TNFRSF14: variants seen among roughly 807,000 people sequenced by gnomAD.
The protein encoded by TNFRSF14 is tumor necrosis factor receptor superfamily member 14.
TNFRSF14 carries 18 observed loss-of-function variants against 34.1 expected under a neutral mutation model. The ratio of observed to expected loss-of-function variants is 0.53; its 90% confidence interval spans 0.36 to 0.78. TNFRSF14 has a LOEUF of 0.78. Ranked by LOEUF, TNFRSF14 falls within the 30% of genes least tolerant of loss-of-function variation. The pLI is 0.00. For missense variants in TNFRSF14, 352 were observed against 379.5 expected (o/e 0.93, Z 0.60); for synonymous variants, 157 against 153.2 (o/e 1.02, Z -0.18).
Position 2,561,510 on chromosome 1 carries a change from C to T in TNFRSF14, c.552-163C>T. The T allele has an allele frequency of 6.5e-7, 1 of 1,538,146 alleles. No individual in the cohort carries two copies. Among genetic ancestry groups the T allele is most frequent in the Non-Finnish European group, 8.8e-7 (1 of 1,139,452 alleles). ...TCCCCATAGCCGAGCTTGGAAAAGTCAGACAGACCTCTGAGGTCTCATCCT... is the reference window on the plus strand; with the variant it reads ...TCCCCATAGCCGAGCTTGGAAAAGTTAGACAGACCTCTGAGGTCTCATCCT... On this transcript the variant is annotated intron_variant, in intron 5 of 7. Coordinates refer to ENST00000355716, the MANE Select transcript of TNFRSF14 (RefSeq NM_003820.4). This position sits in a 1 kb window ranked among gnomAD's most constrained non-coding sequence, Gnocchi z 6.0.
intron 1 of TNFRSF14, 199 bp downstream of exon 1, chr1:2,556,932 C>T: frequency 1.8e-6 from 1 of 556,178 alleles, no homozygotes; most frequent in Non-Finnish European, 3.2e-6. Context: ...AGCAGAGCCA[C>T]AGCCCTACCC....
chr1:2,554,490 G>A (rs988547970), upstream of TNFRSF14, among the ~76,000 whole-genome samples: 3 of 152,168 alleles, frequency 2.0e-5, no homozygotes, highest in Admixed American at 6.5e-5. This position sits in a 1 kb window ranked among gnomAD's most constrained non-coding sequence, Gnocchi z 4.2. Context: ...ACGGGGAGCA[G>A]GGAGCGGGGA....
intron 4 of TNFRSF14, 51 bp downstream of exon 4, chr1:2,560,029 G>T: frequency 6.8e-7 from 1 of 1,476,398 alleles, no homozygotes. Flanking sequence ...GGTCCCCAGT[G>T]CCCCGCTGTC....
chr1:2,558,784 C>T (rs541171832), intron 3 of TNFRSF14: 233 of 1,312,036 alleles, frequency 1.8e-4, no homozygotes, highest in Non-Finnish European at 2.2e-4. Context: ...TGCCCACGTC[C>T]CTAGCTGCAA....
rs1285046057 is a variant in TNFRSF14, at chr1:2,560,604, G to C, written c.461-20G>C. ...TGGCCTGGTGCCCTCAGCCCCCTCT[G>C]TCCGTCCCTCTCTTCTCAGGCACCG... On this transcript the variant is annotated intron_variant, in intron 4 of 7. Transcript: ENST00000355716. 3 of 1,607,444 alleles carry C rather than the reference G, an allele frequency of 1.9e-6. No individual in the cohort carries two copies. The highest frequency in any genetic ancestry group is 2.6e-6 in the Non-Finnish European group (3 of 1,175,994).
chr1:2,556,459 G>C lies in TNFRSF14; in HGVS notation c.-206G>C. 1.4e-6 allele frequency: 1 copy of C among 705,144 alleles called. No homozygotes were observed. Among genetic ancestry groups the C allele is most frequent in the Non-Finnish European group, 2.6e-6 (1 of 388,576 alleles). 43.7% of individuals were successfully genotyped at this position (705,144 alleles called of 1,614,324 possible). On this transcript the variant is annotated 5_prime_UTR_variant, in exon 1 of 8. Coordinates refer to ENST00000355716, the MANE Select transcript of TNFRSF14 (RefSeq NM_003820.4). ...CCCCCAGCGCCGCTCCACCCAGCAG[G>C]CCTGAGCCCCTCTCTGCTGCCAGAC...
In TNFRSF14 at chr1:2,561,461, T is replaced by C. The variant is rs1195866559; in HGVS notation, c.552-212T>C. On this transcript the variant is annotated intron_variant, in intron 5 of 7. Coordinates refer to ENST00000355716, the MANE Select transcript of TNFRSF14 (RefSeq NM_003820.4). The surrounding 1 kb of genome is among the most constrained non-coding windows in gnomAD (Gnocchi z 6.0). ...TTTGCCCAGTCTCTCCTTGTTTCTC[T>C]TCTCCTCCTTCCTTCTCTCCACCTC... 3 of 1,489,128 alleles carry C rather than the reference T, an allele frequency of 2.0e-6. No homozygotes were observed. Among genetic ancestry groups the C allele is most frequent in the Non-Finnish European group, 2.7e-6 (3 of 1,114,844 alleles). The allele number at this position is 1,489,128 out of a possible 1,614,324, so 92.2% of individuals were successfully genotyped here.
At position 2,560,694 on chromosome 1, in the gene TNFRSF14, G is replaced by A. The variant is rs758847687; in HGVS notation, c.531G>A (p.Glu177=). The change falls in exon 5 of 8, where the codon GAG becomes GAA. Residue 177 remains glutamate (E), a synonymous_variant. Transcript: ENST00000355716. Reference sequence around the variant, plus strand: ...CCTTCTCTCCCAATGGGACCCTGGAGGAATGTCAGCACCAGACCAAGTAAG... The same window carrying A: ...CCTTCTCTCCCAATGGGACCCTGGAAGAATGTCAGCACCAGACCAAGTAAG... The part of the protein sequence containing the change: ...PGTFSPNGTL[E]ECQHQTKCSW... 2 of 1,613,430 alleles carry A rather than the reference G, an allele frequency of 1.2e-6. No individual in the cohort carries two copies. The highest frequency in any genetic ancestry group is 1.1e-5 in the South Asian group (1 of 91,080).
At chr1:2,558,656 C>G in intron 3 of TNFRSF14, 188 bp downstream of exon 3, 1 of 1,217,770 alleles carries the variant, frequency 8.2e-7, no homozygotes, top group Non-Finnish European at 1.1e-6. Context: ...CCCCGTCCAC[C>G]TCTGTCTCAC....
At position 2,559,080 on chromosome 1, in the gene TNFRSF14, G is replaced by A. The variant is rs779692121; in HGVS notation, c.304+612G>A. 11 of 1,369,360 alleles carry A rather than the reference G, an allele frequency of 8.0e-6. No homozygotes were observed. The South Asian group carries it at 1.1e-4, about 14-fold the overall frequency. 84.8% of individuals were successfully genotyped at this position (1,369,360 alleles called of 1,614,324 possible). On this transcript the variant is annotated intron_variant, in intron 3 of 7. Transcript: ENST00000355716. ...GCATGGCCAGTGCTCCCTGCGGCCA[G>A]GCAGGACTGCACCTGCGGGACAGGG...
chr1:2,556,328 G>T, upstream of TNFRSF14: 1 of 604,770 alleles, frequency 1.7e-6, no homozygotes, highest in Non-Finnish European at 3.1e-6. Flanking sequence ...GGACTGGAAT[G>T]GTGCAGGGGG....
chr1:2,559,325 G>C (rs1445765766), intron 3 of TNFRSF14: 5 of 1,369,690 alleles, frequency 3.7e-6, no homozygotes, highest in Admixed American at 2.2e-5. Context: ...CAGGTGGCAG[G>C]TGAGGCTGCC....
At chr1:2,562,033 G>A (rs149326447) in intron 6 of TNFRSF14, 6 of 602,866 alleles carry the variant, frequency 1.0e-5, no homozygotes, top group East Asian at 5.6e-5. Flanking sequence ...ACCCCTGACC[G>A]TGGAGCCCTC....
rs1644340539 is a variant in TNFRSF14, at chr1:2,563,381, C to T, written c.*108C>T. ...AGCCCGGAGGCTTGGGGGCTCCGCC[C>T]TGGGCTGGCTTCCGTCTCCTCCAGT... On this transcript the variant is annotated 3_prime_UTR_variant, in exon 8 of 8. Transcript: ENST00000355716. The T allele has an allele frequency of 2.0e-6, 3 of 1,527,622 alleles. No individual in the cohort carries two copies. Among genetic ancestry groups the T allele is most frequent in the Non-Finnish European group, 2.6e-6 (3 of 1,135,316 alleles). 94.6% of individuals were successfully genotyped at this position (1,527,622 alleles called of 1,614,324 possible). A position where few individuals can be genotyped will look rare whatever the true frequency, so the allele number is the denominator to read the frequency against.
chr1:2,557,705 T>G lies in TNFRSF14; in HGVS notation c.70-21T>G, dbSNP rs1357057283. 3 of 1,569,760 alleles carry G rather than the reference T, an allele frequency of 1.9e-6. No homozygotes were observed. In the Admixed American group the frequency reaches 5.4e-5, roughly 28 times the overall value. The stretch of plus-strand genomic sequence containing the variant: ...ACAGGGCAGCCAGGGCATCTCCCAA[T>G]GCCTGTCCTGACCCCCTTAGGTGCT... On this transcript the variant is annotated intron_variant, in intron 1 of 7. Coordinates refer to ENST00000355716, the MANE Select transcript of TNFRSF14 (RefSeq NM_003820.4).
In TNFRSF14 at chr1:2,563,252, G is replaced by A. The variant is rs971879075; in HGVS notation, c.831G>A (p.Thr277=). Residue 277 remains threonine, a synonymous_variant, in exon 8 of 8, where the codon ACG becomes ACA. Transcript: ENST00000355716. ...VAVEETIPSF[T]GRSPNH ...TGGAGGAGACAATACCCTCATTCAC[G>A]GGGAGGAGCCCAAACCACTGACCCA... The A allele has an allele frequency of 4.3e-6, 7 of 1,613,476 alleles. No homozygotes were observed. The highest frequency in any genetic ancestry group is 1.1e-5 in the South Asian group (1 of 91,092).
chr1:2,558,568 C>T, intron 3 of TNFRSF14, 100 bp downstream of exon 3: 1 of 1,573,198 alleles, frequency 6.4e-7, no homozygotes, highest in Non-Finnish European at 8.6e-7. Context: ...CAGGAAGGCC[C>T]CGGCTGCCCC....
rs768112737 is a variant in TNFRSF14 at position 2,561,631 on chromosome 1, G to A, written c.552-42G>A. On this transcript the variant is annotated intron_variant, in intron 5 of 7. Coordinates refer to ENST00000355716, the MANE Select transcript of TNFRSF14 (RefSeq NM_003820.4). The surrounding 1 kb of genome is among the most constrained non-coding windows in gnomAD (Gnocchi z 6.0). ...CCCTGAGGCTGAGTGAACACTGGGC[G>A]CTGCACCTGCCTCTCCCACGTCCTC... 2.9e-5 allele frequency: 46 copies of A among 1,610,084 alleles called. No individual in the cohort carries two copies. Among genetic ancestry groups the A allele is most frequent in the Non-Finnish European group, 3.6e-5 (43 of 1,178,558 alleles).
chr1:2,560,735 C>A (rs776691214), intron 5 of TNFRSF14, 21 bp downstream of exon 5: 6 of 1,608,104 alleles, frequency 3.7e-6, no homozygotes, highest in Non-Finnish European at 5.1e-6. Flanking sequence ...CCGGGGGAGG[C>A]CCAGCTCTGT....
Sources: gnomAD v4.1 joint callset for allele counts (sites outside exome capture counted in the v4.1 genomes callset) on GRCh38, gnomAD v4.1.1 for gene constraint, Gnocchi (gnomAD v3.1) non-coding constraint, MANE v1.5 for transcripts, NCBI Gene and HGNC (gene_info 2026-07-23, HGNC 2026-07-21) for gene names.